The following RPTOR variants were observed in gnomAD, a reference collection of about 807,000 sequenced individuals.
The protein encoded by RPTOR is regulatory associated protein of MTOR complex 1.
A neutral mutation model predicts 169.9 loss-of-function variants in RPTOR; 21 were observed. The observed-to-expected ratio is 0.12, with a 90% CI of 0.09 to 0.18. The LOEUF is 0.18. Ranked by LOEUF, RPTOR falls within the 10% of genes least tolerant of loss-of-function variation. The pLI is 1.00. For missense variants in RPTOR, 1,133 were observed against 1,855.9 expected, an observed-to-expected ratio of 0.61 and a Z score of 7.16; for synonymous variants, 732 against 753.2, an observed-to-expected ratio of 0.97 and a Z score of 0.46.
intron 6 of RPTOR, among the ~76,000 whole-genome samples, chr17:80,776,076 G>A (rs1189546904): frequency 6.6e-6 from 1 of 152,062 alleles, no homozygotes; most frequent in Non-Finnish European, 1.5e-5. Flanking sequence ...GCATGCAGCT[G>A]TAGTCTCAGC....
chr17:80,856,745 G>A (rs1166725802), intron 12 of RPTOR, among the ~76,000 whole-genome samples: 2 of 152,188 alleles, frequency 1.3e-5, no homozygotes, highest in African/African-American at 4.8e-5. Flanking sequence ...CAGGAAGCAT[G>A]TATTCATAAC....
chr17:80,605,013 T>C (rs576640713), intron 1 of RPTOR, among the ~76,000 whole-genome samples: 74 of 152,018 alleles, frequency 4.9e-4, no homozygotes, highest in African/African-American at 1.7e-3. Context: ...TCTTGCCTCG[T>C]CCTCCCAAAG....
At chr17:80,766,078 C>T (rs982821332) in intron 6 of RPTOR, among the ~76,000 whole-genome samples, 5 of 152,104 alleles carry the variant, frequency 3.3e-5, no homozygotes, top group Non-Finnish European at 5.9e-5. Flanking sequence ...TTTTTTAAGA[C>T]GTGATCTTGC....
At chr17:80,924,583 G>A (rs919486426) in intron 23 of RPTOR, among the ~76,000 whole-genome samples, 1 of 151,994 alleles carries the variant, frequency 6.6e-6, no homozygotes, top group Non-Finnish European at 1.5e-5. Flanking sequence ...AATCACCACC[G>A]AGCCCCAAGT....
intron 6 of RPTOR, among the ~76,000 whole-genome samples, chr17:80,779,682 G>A (rs184302024): frequency 1.3e-5 from 2 of 152,196 alleles, no homozygotes; most frequent in Admixed American, 6.5e-5. Flanking sequence ...ACCTAGCGTC[G>A]CAACCATAGA....
intron 20 of RPTOR, among the ~76,000 whole-genome samples, chr17:80,902,957 C>T (rs539404784): frequency 3.3e-5 from 5 of 152,366 alleles, no homozygotes; most frequent in East Asian, 1.9e-4. Context: ...AGGCTCTTCC[C>T]GCAGAAACAG....
At chr17:80,880,769 G>A (rs2068178204) in intron 14 of RPTOR, among the ~76,000 whole-genome samples, 1 of 152,142 alleles carries the variant, frequency 6.6e-6, no homozygotes, top group Admixed American at 6.5e-5. Flanking sequence ...TTTTCACTGG[G>A]ACTTCTTTGC....
At chr17:80,634,869 CATACT>C (rs2065493123) in intron 2 of RPTOR, among the ~76,000 whole-genome samples, 1 of 70,822 alleles carries the variant, frequency 1.4e-5, no homozygotes, top group African/African-American at 5.3e-5. Context: ...TGTGTGTGTG[CATACT>C]GTGTGCATAC....
intron 7 of RPTOR, among the ~76,000 whole-genome samples, chr17:80,798,125 A>G (rs1034055316): frequency 2.0e-5 from 3 of 152,202 alleles, no homozygotes; most frequent in East Asian, 1.9e-4. Context: ...GCTCCCAGCA[A>G]TTCCAGGCTG....
chr17:80,839,839 G>C (rs1046918091), intron 10 of RPTOR, among the ~76,000 whole-genome samples: 1 of 152,180 alleles, frequency 6.6e-6, no homozygotes, highest in Non-Finnish European at 1.5e-5. Flanking sequence ...CTTTCTAAAC[G>C]AATACTTAGG....
At chr17:80,672,366 C>CTTTTTTT (rs61114947) in intron 3 of RPTOR, among the ~76,000 whole-genome samples, 1 of 133,322 alleles carries the variant, frequency 7.5e-6, no homozygotes, top group Non-Finnish European at 1.6e-5. Context: ...TGCAAAGGTT[C>CTTTTTTT]TTTTTTTTTT....
chr17:80,834,529 G>C (rs1286133263), intron 9 of RPTOR, among the ~76,000 whole-genome samples: 3 of 152,180 alleles, frequency 2.0e-5, no homozygotes, highest in Admixed American at 1.3e-4. Flanking sequence ...GGTCTGAAAT[G>C]TGGAGCTGGG....
intron 20 of RPTOR, among the ~76,000 whole-genome samples, chr17:80,905,768 C>T (rs2068534471): frequency 1.3e-5 from 2 of 152,166 alleles, no homozygotes; most frequent in Non-Finnish European, 2.9e-5. Context: ...CTTGAGCAGC[C>T]ACCAGCCTGC....
intron 1 of RPTOR, among the ~76,000 whole-genome samples, chr17:80,564,450 C>T (rs1189305101): frequency 6.6e-6 from 1 of 152,122 alleles, no homozygotes; most frequent in African/African-American, 2.4e-5. Context: ...GAGATACCGC[C>T]ACACCCTTCT....
intron 29 of RPTOR, among the ~76,000 whole-genome samples, chr17:80,958,532 T>G (rs1331151358): frequency 7.0e-6 from 1 of 143,390 alleles, no homozygotes; most frequent in Non-Finnish European, 1.5e-5. Context: ...TGCCTCAGCC[T>G]CCCGAGTAGC....
intron 21 of RPTOR, 82 bp downstream of exon 21, chr17:80,909,011 C>T (rs569857741): frequency 5.2e-4 from 475 of 906,440 alleles, no homozygotes; most frequent in Admixed American, 1.3e-3. Context: ...CAGGTGTGCC[C>T]GGGTCCACAC....
chr17:80,552,697 C>T (rs1053282209), intron 1 of RPTOR, among the ~76,000 whole-genome samples: 1 of 152,214 alleles, frequency 6.6e-6, no homozygotes, highest in African/African-American at 2.4e-5. Flanking sequence ...TCATTCTCTC[C>T]GTGTTACTGA....
chr17:80,589,516 A>C (rs1249279260), intron 1 of RPTOR, among the ~76,000 whole-genome samples: 1 of 152,160 alleles, frequency 6.6e-6, no homozygotes, highest in African/African-American at 2.4e-5. Flanking sequence ...TTTGATTGTG[A>C]TTTAATCATA....
chr17:80,676,143 T>C (rs2065860015), intron 3 of RPTOR, among the ~76,000 whole-genome samples: 1 of 151,508 alleles, frequency 6.6e-6, no homozygotes, highest in African/African-American at 2.4e-5. Context: ...AATTGATAGG[T>C]CAGCAAGCCT....
Sources: allele counts gnomAD v4.1 joint callset (sites outside exome capture counted in the v4.1 genomes callset), GRCh38; gene constraint gnomAD v4.1.1; transcripts MANE v1.5; gene names NCBI Gene and HGNC (gene_info 2026-07-23, HGNC 2026-07-21).